The following MGAT5 variants were observed in gnomAD, a reference collection of about 807,000 sequenced individuals.
MGAT5 encodes alpha-1,6-mannosylglycoprotein 6-beta-N-acetylglucosaminyltransferase A.
In MGAT5, 30 loss-of-function variants were observed where a neutral mutation model predicts 94.3. That is an observed-to-expected ratio of 0.32 (90% CI 0.24 to 0.43). The LOEUF (loss-of-function observed/expected upper bound fraction) is 0.43. Ranked by LOEUF, MGAT5 falls within the 20% of genes least tolerant of loss-of-function variation. MGAT5 has a pLI of 1.00. For missense variants in MGAT5, 691 were observed against 905.5 expected (o/e 0.76, Z 3.04); for synonymous variants, 310 against 322.9 (o/e 0.96, Z 0.43).
chr2:134,242,088 G>A (rs1682005301), intron 1 of MGAT5, among the ~76,000 whole-genome samples: 1 of 152,214 alleles, frequency 6.6e-6, no homozygotes, highest in South Asian at 2.1e-4. Context: ...GAAAGTACTT[G>A]TGATTGCAAA....
At chr2:134,401,657 A>G (rs1472555028) in intron 10 of MGAT5, among the ~76,000 whole-genome samples, 1 of 152,204 alleles carries the variant, frequency 6.6e-6, no homozygotes, top group Admixed American at 6.5e-5. Flanking sequence ...ATACATTTCT[A>G]AGTTAATGAA....
At chr2:134,386,085 G>C (rs1418488295) in intron 10 of MGAT5, among the ~76,000 whole-genome samples, 2 of 152,158 alleles carry the variant, frequency 1.3e-5, no homozygotes, top group Non-Finnish European at 2.9e-5. Flanking sequence ...TCTCAAAAAG[G>C]TGTCAGGGTA....
chr2:134,165,651 T>C (rs1051342499), intron 1 of MGAT5, among the ~76,000 whole-genome samples: 4 of 152,064 alleles, frequency 2.6e-5, no homozygotes, highest in Non-Finnish European at 5.9e-5. Flanking sequence ...GGCGGGCGCC[T>C]GTAGTCCCAG....
At chr2:134,358,189 C>CTTT (rs11385683) in intron 9 of MGAT5, among the ~76,000 whole-genome samples, 103 of 144,648 alleles carry the variant, frequency 7.1e-4, no homozygotes, top group African/African-American at 2.2e-3. Context: ...ATCACTCCAC[C>CTTT]TTTTTTTTTT....
In MGAT5 at chr2:134,156,204, T is replaced by A. The variant is rs1033655155; in HGVS notation, c.-143+35913T>A. 4.6e-5 allele frequency among the ~76,000 whole-genome samples: 7 copies of A among 152,280 alleles called. No individual in the cohort carries two copies. The East Asian group carries it at 5.8e-4, about 13-fold the overall frequency. ...CGGTCTGTGCATGAGATCTTGTTTATTTGCATACAGAGACCCTTCCGAATA... is the reference window on the plus strand; with the variant it reads ...CGGTCTGTGCATGAGATCTTGTTTAATTGCATACAGAGACCCTTCCGAATA... On this transcript the variant is annotated intron_variant, in intron 1 of 16. Transcript: ENST00000409645.
chr2:134,188,650 A>C (rs1689164677), intron 1 of MGAT5, among the ~76,000 whole-genome samples: 1 of 152,148 alleles, frequency 6.6e-6, no homozygotes, highest in South Asian at 2.1e-4. Flanking sequence ...GTAGCACTTG[A>C]ATTAACTGGA....
At chr2:134,374,880 C>T (rs1430107135) in intron 10 of MGAT5, among the ~76,000 whole-genome samples, 1 of 152,186 alleles carries the variant, frequency 6.6e-6, no homozygotes, top group Non-Finnish European at 1.5e-5. Flanking sequence ...GTGGTCCCAG[C>T]TACTCGGGAA....
chr2:134,319,710 T>G, intron 4 of MGAT5: 1 of 403,544 alleles, frequency 2.5e-6, no homozygotes, highest in Non-Finnish European at 4.9e-6. Context: ...TCATCCATGC[T>G]GTGGTGGAAT....
chr2:134,158,850 C>G (rs893133401), intron 1 of MGAT5, among the ~76,000 whole-genome samples: 2 of 152,172 alleles, frequency 1.3e-5, no homozygotes, highest in Non-Finnish European at 2.9e-5. Flanking sequence ...TTTATCTGCC[C>G]TTCACTGTCT....
chr2:134,251,007 G>A (rs1196980304), upstream of MGAT5, among the ~76,000 whole-genome samples: 1 of 152,246 alleles, frequency 6.6e-6, no homozygotes, highest in East Asian at 1.9e-4. Flanking sequence ...ATTCAGTAGG[G>A]TTAATTGAGG....
intron 2 of MGAT5, among the ~76,000 whole-genome samples, chr2:134,316,995 C>T (rs1326701818): frequency 6.6e-6 from 1 of 152,072 alleles, no homozygotes; most frequent in East Asian, 1.9e-4. Context: ...AGCTGTATCC[C>T]ATGGATGCAG....
chr2:134,183,521 A>G (rs1314363477), intron 1 of MGAT5, among the ~76,000 whole-genome samples: 1 of 152,186 alleles, frequency 6.6e-6, no homozygotes, highest in Admixed American at 6.5e-5. Flanking sequence ...ACATCAGTAT[A>G]TTATATTCTG....
At chr2:134,277,364 T>C (rs1684441900) in intron 2 of MGAT5, among the ~76,000 whole-genome samples, 1 of 152,128 alleles carries the variant, frequency 6.6e-6, no homozygotes, top group Admixed American at 6.5e-5. Flanking sequence ...GAGTTCCACA[T>C]GGCTGGGGAG....
chr2:134,165,568 G>A (rs980190825), intron 1 of MGAT5, among the ~76,000 whole-genome samples: 3 of 152,108 alleles, frequency 2.0e-5, no homozygotes, highest in Non-Finnish European at 2.9e-5. Context: ...GAGGTCAGGA[G>A]ATCGACACCA....
chr2:134,322,304 A>G (rs1687380787), intron 4 of MGAT5, among the ~76,000 whole-genome samples: 1 of 152,116 alleles, frequency 6.6e-6, no homozygotes, highest in Non-Finnish European at 1.5e-5. Flanking sequence ...TACCAGTGTA[A>G]TGCAATTTTA....
rs554792405 is a variant in MGAT5, at chr2:134,164,947, G to C, written c.-143+44656G>C. Among the ~76,000 whole-genome samples, 3 of 152,306 alleles carry C rather than the reference G, an allele frequency of 2.0e-5. No homozygotes were observed. The South Asian group carries it at 6.2e-4, about 32-fold the overall frequency. Reference sequence around the variant, plus strand: ...AGCCTGACAGTCCCTTAATTCTGTGGTAAGGAGGCTGTGTCCTCCAGCACG... The same window carrying C: ...AGCCTGACAGTCCCTTAATTCTGTGCTAAGGAGGCTGTGTCCTCCAGCACG... On this transcript the variant is annotated intron_variant, in intron 1 of 16. Transcript: ENST00000409645.
At chr2:134,344,274 T>TA (rs1012336892) in intron 7 of MGAT5, among the ~76,000 whole-genome samples, 5 of 151,814 alleles carry the variant, frequency 3.3e-5, no homozygotes, top group Non-Finnish European at 7.4e-5. Flanking sequence ...AAAGGGTGAT[T>TA]AAAAAAAACT....
chr2:134,296,226 A>G (rs550388314), intron 2 of MGAT5, among the ~76,000 whole-genome samples: 1 of 152,272 alleles, frequency 6.6e-6, no homozygotes, highest in African/African-American at 2.4e-5. Flanking sequence ...GGATGGACAC[A>G]TGGAATTTAA....
At chr2:134,396,717 C>G (rs80338171) in intron 10 of MGAT5, among the ~76,000 whole-genome samples, 2 of 152,338 alleles carry the variant, frequency 1.3e-5, no homozygotes, top group African/African-American at 4.8e-5. Context: ...GTGTTTTTCA[C>G]TCAGCCAGCT....
Sources: allele counts gnomAD v4.1 joint callset (sites outside exome capture counted in the v4.1 genomes callset), GRCh38; gene constraint gnomAD v4.1.1; transcripts MANE v1.5; gene names NCBI Gene and HGNC (gene_info 2026-07-23, HGNC 2026-07-21).